The following ITPR2 variants were observed in gnomAD, a reference collection of about 807,000 sequenced individuals.
The protein encoded by ITPR2 is inositol 1,4,5-trisphosphate-gated calcium channel ITPR2.
ITPR2 carries 207 observed loss-of-function variants against 317.1 expected under a neutral mutation model. That is an observed-to-expected ratio of 0.65 (90% CI 0.58 to 0.73). ITPR2 has a LOEUF of 0.73. Ranked by LOEUF, ITPR2 falls within the 30% of genes least tolerant of loss-of-function variation. The pLI, the probability that ITPR2 is intolerant of heterozygous loss-of-function variation, is 0.00. For synonymous variants in ITPR2, 1,156 were observed against 1,149.1 expected, an observed-to-expected ratio of 1.01 and a Z score of -0.12; for missense variants, 2,613 against 3,284.0, an observed-to-expected ratio of 0.80 and a Z score of 4.99.
At chr12:26,396,690 G>C (rs187253225) in intron 54 of ITPR2, among the ~76,000 whole-genome samples, 2 of 152,182 alleles carry the variant, frequency 1.3e-5, no homozygotes, top group African/African-American at 4.8e-5. Flanking sequence ...AGTCTCCAGC[G>C]AAGACTCAAT....
At chr12:26,730,871 T>C (rs544909673) in intron 2 of ITPR2, among the ~76,000 whole-genome samples, 18 of 152,320 alleles carry the variant, frequency 1.2e-4, no homozygotes, top group African/African-American at 4.3e-4. Flanking sequence ...GTTAACACTG[T>C]AAGTCAAAGA....
intron 32 of ITPR2, among the ~76,000 whole-genome samples, chr12:26,583,504 T>C (rs1231852266): frequency 6.6e-6 from 1 of 152,204 alleles, no homozygotes; most frequent in Non-Finnish European, 1.5e-5. Context: ...TTTATTAATA[T>C]TTAATATAAA....
At chr12:26,608,364 A>G (rs982829982) in intron 26 of ITPR2, among the ~76,000 whole-genome samples, 2 of 152,256 alleles carry the variant, frequency 1.3e-5, no homozygotes, top group Non-Finnish European at 1.5e-5. Flanking sequence ...TGCTTTCATA[A>G]GAACACATCA....
At chr12:26,694,514 C>T (rs1183662337) in intron 10 of ITPR2, among the ~76,000 whole-genome samples, 3 of 152,188 alleles carry the variant, frequency 2.0e-5, no homozygotes, top group African/African-American at 7.2e-5. Flanking sequence ...CCCACAGCTC[C>T]TCATGGCATG....
intron 36 of ITPR2, among the ~76,000 whole-genome samples, chr12:26,555,335 T>C (rs1944633214): frequency 6.6e-6 from 1 of 152,176 alleles, no homozygotes; most frequent in South Asian, 2.1e-4. Flanking sequence ...AGGAATTAGC[T>C]GGGATGAGTC....
rs374963743 is a variant in ITPR2, at chr12:26,542,935, G to A, written c.5073+7312C>T. Among the ~76,000 whole-genome samples, 21 of 152,168 alleles carry A rather than the reference G, an allele frequency of 1.4e-4. 1 individual carries two copies. Among genetic ancestry groups the A allele is most frequent in the African/African-American group, 5.1e-4 (21 of 41,504 alleles). ...CGATCCATGAATATTTTCAATGCTCGTTCTCTTCTCCAATTCTAAAGTACA... is the reference window on the plus strand; with the variant it reads ...CGATCCATGAATATTTTCAATGCTCATTCTCTTCTCCAATTCTAAAGTACA... On this transcript the variant is annotated intron_variant, in intron 37 of 56. Transcript: ENST00000381340.
intron 2 of ITPR2, among the ~76,000 whole-genome samples, chr12:26,733,540 TA>T (rs1223789204): frequency 6.6e-6 from 1 of 152,134 alleles, no homozygotes; most frequent in Admixed American, 6.5e-5. Flanking sequence ...TATATATAAT[TA>T]AATGCTAAAA....
rs1489735837 is a variant in ITPR2 at position 26,337,302 on chromosome 12, A to G, written c.*2095T>C. ...AGGTTGCTCAGATGTATACAAATGAATTTATTCTCTTGACCTCTAGTTCAG... is the reference window on the plus strand; with the variant it reads ...AGGTTGCTCAGATGTATACAAATGAGTTTATTCTCTTGACCTCTAGTTCAG... On this transcript the variant is annotated 3_prime_UTR_variant, in exon 57 of 57. Transcript: ENST00000381340. The G allele has an allele frequency of 6.6e-6, 1 of 152,182 alleles. No individual in the cohort carries two copies. The highest frequency in any genetic ancestry group is 1.5e-5 in the Non-Finnish European group (1 of 68,014). 9.4% of individuals were successfully genotyped at this position (152,182 alleles called of 1,614,324 possible). A position where few individuals can be genotyped will look rare whatever the true frequency, so the allele number is the denominator to read the frequency against.
chr12:26,728,232 C>A (rs1340245770), intron 2 of ITPR2, among the ~76,000 whole-genome samples: 2 of 152,192 alleles, frequency 1.3e-5, no homozygotes, highest in South Asian at 4.1e-4. Context: ...TGGGGCCCTA[C>A]GGTAGTTTTG....
chr12:26,651,436 T>C (rs1429687509), intron 21 of ITPR2, among the ~76,000 whole-genome samples: 2 of 152,258 alleles, frequency 1.3e-5, no homozygotes, highest in South Asian at 2.1e-4. Context: ...CCAACCATTT[T>C]ATTCTATTTC....
chr12:26,482,414 T>C (rs1942562179), intron 42 of ITPR2, among the ~76,000 whole-genome samples: 1 of 152,212 alleles, frequency 6.6e-6, no homozygotes, highest in African/African-American at 2.4e-5. Flanking sequence ...CATTCTCTTA[T>C]GAGACCAAAA....
chr12:26,585,523 GCC>G (rs1945504007), intron 32 of ITPR2, among the ~76,000 whole-genome samples: 1 of 152,048 alleles, frequency 6.6e-6, no homozygotes, highest in African/African-American at 2.4e-5. Flanking sequence ...TCCTACCTCA[GCC>G]TCCCAAGTAG....
Position 26,335,911 on chromosome 12 carries a change from T to C in ITPR2, c.*3486A>G, listed in dbSNP as rs1440587122. 6.6e-6 allele frequency: 1 copy of C among 152,196 alleles called. No homozygotes were observed. The highest frequency in any genetic ancestry group is 6.5e-5 in the Admixed American group (1 of 15,272). The allele number at this position is 152,196 out of a possible 1,614,324, so 9.4% of individuals were successfully genotyped here. On this transcript the variant is annotated 3_prime_UTR_variant, in exon 57 of 57. Transcript: ENST00000381340. ...GTATCACAGCATATTGGAATGGGTCTGTAGGTAGGAATAGCTGATTTGTTA... is the reference window on the plus strand; with the variant it reads ...GTATCACAGCATATTGGAATGGGTCCGTAGGTAGGAATAGCTGATTTGTTA...
chr12:26,422,404 T>C (rs1303963693), intron 49 of ITPR2, among the ~76,000 whole-genome samples: 2 of 152,098 alleles, frequency 1.3e-5, no homozygotes, highest in Non-Finnish European at 2.9e-5. Context: ...TTTATAGTTA[T>C]TGATCTGTCT....
chr12:26,359,944 G>A (rs943981491), intron 55 of ITPR2, among the ~76,000 whole-genome samples: 2 of 152,052 alleles, frequency 1.3e-5, no homozygotes, highest in East Asian at 1.9e-4. Context: ...TACCACTTTC[G>A]CCTCTACGTG....
intron 2 of ITPR2, among the ~76,000 whole-genome samples, chr12:26,784,389 C>T (rs1419267340): frequency 1.5e-4 from 17 of 110,244 alleles, no homozygotes; most frequent in South Asian, 3.6e-4. Context: ...CACGGTCTCC[C>T]TCTGATGCCG....
intron 2 of ITPR2, among the ~76,000 whole-genome samples, chr12:26,759,346 A>G (rs1316493707): frequency 6.6e-6 from 1 of 152,270 alleles, no homozygotes; most frequent in African/African-American, 2.4e-5. Context: ...AAATCAAACA[A>G]CATATGACCA....
At chr12:26,573,355 T>C (rs1027293010) in intron 34 of ITPR2, among the ~76,000 whole-genome samples, 5 of 152,268 alleles carry the variant, frequency 3.3e-5, no homozygotes, top group African/African-American at 1.2e-4. Flanking sequence ...TGGATTATTG[T>C]CAGTCAACAA....
Position 26,550,608 on chromosome 12 carries a change from C to T in ITPR2, c.4965-253G>A, listed in dbSNP as rs537730003. 9.9e-5 allele frequency among the ~76,000 whole-genome samples: 15 copies of T among 152,048 alleles called. 1 individual carries two copies. The South Asian group carries it at 2.9e-3, about 29-fold the overall frequency. On this transcript the variant is annotated intron_variant, in intron 36 of 56. Coordinates refer to ENST00000381340, the MANE Select transcript of ITPR2 (RefSeq NM_002223.4). ...CAGGTGGCATTCTTTTAGTGGGATA[C>T]AATACTCTGAGAAACAATGAAATAC...
Sources: allele counts gnomAD v4.1 joint callset (sites outside exome capture counted in the v4.1 genomes callset), GRCh38; gene constraint gnomAD v4.1.1; transcripts MANE v1.5; gene names NCBI Gene and HGNC (gene_info 2026-07-23, HGNC 2026-07-21).